RIN3: variants seen among roughly 807,000 people sequenced by gnomAD.
RIN3 encodes the protein RAB5 interacting protein 3.
Under a neutral mutation model 76.3 loss-of-function variants are expected in RIN3, and 54 were observed. The ratio of observed to expected loss-of-function variants is 0.71; its 90% CI spans 0.57 to 0.89. The LOEUF (loss-of-function observed/expected upper bound fraction) is 0.89. RIN3 is among the 40% of genes least tolerant of loss of function. The pLI is 0.00. For synonymous variants in RIN3, 576 were observed against 564.0 expected (o/e 1.02, Z -0.30); for missense variants, 1,256 against 1,322.1 (o/e 0.95, Z 0.78).
chr14:92,605,154 A>G (rs1165820959), intron 3 of RIN3, among the ~76,000 whole-genome samples: 3 of 151,500 alleles, frequency 2.0e-5, no homozygotes, highest in Non-Finnish European at 2.9e-5. Context: ...CAAGGGATCC[A>G]CCCACCTTGG....
Position 92,555,975 on chromosome 14 carries a change from A to C in RIN3, c.249+20A>C, listed in dbSNP as rs1430410323. 1.2e-6 allele frequency: 2 copies of C among 1,603,946 alleles called. No homozygotes were observed. Among genetic ancestry groups the C allele is most frequent in the Non-Finnish European group, 1.7e-6 (2 of 1,175,750 alleles). ...GCTGGGGTGAGTGGGGGCGTCTCCC[A>C]CTTGGTAGGCACACACACCTGTGAG... On this transcript the variant is annotated intron_variant, in intron 2 of 9. Transcript: ENST00000216487.
intron 3 of RIN3, among the ~76,000 whole-genome samples, chr14:92,594,030 A>G (rs911505953): frequency 2.6e-5 from 4 of 152,168 alleles, no homozygotes; most frequent in South Asian, 2.1e-4. Context: ...TCTATAGACT[A>G]TTTTATCCAA....
chr14:92,563,970 T>C (rs2140044501), intron 2 of RIN3, among the ~76,000 whole-genome samples: 1 of 152,324 alleles, frequency 6.6e-6, no homozygotes, highest in South Asian at 2.1e-4. Context: ...TGAGGACCTT[T>C]GTCCAGGATG....
chr14:92,547,665 A>G (rs1303777701), intron 1 of RIN3, among the ~76,000 whole-genome samples: 2 of 151,664 alleles, frequency 1.3e-5, no homozygotes, highest in Non-Finnish European at 2.9e-5. Flanking sequence ...CAAAGTGCTG[A>G]GATTGCAGGT....
At chr14:92,528,863 T>G (rs1467484260) in intron 1 of RIN3, among the ~76,000 whole-genome samples, 1 of 152,132 alleles carries the variant, frequency 6.6e-6, no homozygotes, top group Non-Finnish European at 1.5e-5. Context: ...ACACTCCAGT[T>G]CTGGGGCTGG....
In RIN3 at chr14:92,688,239, C is replaced by T. The variant is rs1888954031; in HGVS notation, c.2945C>T (p.Pro982Leu). 1.9e-6 allele frequency: 3 copies of T among 1,590,372 alleles called. No individual in the cohort carries two copies. Among genetic ancestry groups the T allele is most frequent in the African/African-American group, 1.3e-5 (1 of 74,650 alleles). Residue 982 changes from proline (P) to leucine (L), a missense_variant, in exon 10 of 10, where the codon CCC becomes CTC. By Grantham distance (98) the Pro-to-Leu change is moderately conservative (BLOSUM62 -3). Coordinates refer to ENST00000216487, the MANE Select transcript of RIN3 (RefSeq NM_024832.5). Reference sequence around the variant, plus strand: ...CCGCCCTGCCTGGTGGTGCGGGAGCCCAACTTCCTGTGAGGCCCTCCCGGG... The same window carrying T: ...CCGCCCTGCCTGGTGGTGCGGGAGCTCAACTTCCTGTGAGGCCCTCCCGGG... ...GSPPCLVVREPNFL is the reference protein window; with the variant it reads ...GSPPCLVVRELNFL
In RIN3 at chr14:92,525,246, G is replaced by A. The variant is rs538202894; in HGVS notation, c.44+11270G>A. 4.6e-5 allele frequency among the ~76,000 whole-genome samples: 7 copies of A among 152,314 alleles called. No individual in the cohort carries two copies. The South Asian group carries it at 8.3e-4, about 18-fold the overall frequency. ...CAAGGACCCCAGCCACAGAAGAGCCGGCAGCACAATGGGCGCTCGCCCCTG... is the reference window on the plus strand; with the variant it reads ...CAAGGACCCCAGCCACAGAAGAGCCAGCAGCACAATGGGCGCTCGCCCCTG... On this transcript the variant is annotated intron_variant, in intron 1 of 9. Coordinates refer to ENST00000216487, the MANE Select transcript of RIN3 (RefSeq NM_024832.5).
At chr14:92,554,904 C>T (rs2140034102) in intron 1 of RIN3, among the ~76,000 whole-genome samples, 1 of 152,206 alleles carries the variant, frequency 6.6e-6, no homozygotes, top group Middle Eastern at 3.4e-3. Flanking sequence ...GCCTGGGCGA[C>T]AGAGCAAGAA....
rs1886679264 is a variant in RIN3 at position 92,633,881 on chromosome 14, TTGTA to T, written c.441-7353_441-7350del. Among the ~76,000 whole-genome samples the T allele has an allele frequency of 2.3e-5, 3 of 131,350 alleles. No individual in the cohort carries two copies. In the South Asian group the frequency reaches 7.3e-4, roughly 32 times the overall value. 86.2% of individuals were successfully genotyped at this position (131,350 alleles called of 152,430 possible). On this transcript the variant is annotated intron_variant, in intron 4 of 9. Transcript: ENST00000216487. ...GGTGTGTGTGTGTGTGTGTGTGTGT[TTGTA>T]TGTGTGTGTGCATGCACATATGCTG...
intron 4 of RIN3, among the ~76,000 whole-genome samples, chr14:92,617,463 G>A (rs1283184228): frequency 2.0e-5 from 3 of 152,092 alleles, no homozygotes; most frequent in Admixed American, 1.3e-4. Flanking sequence ...TCATTCATAG[G>A]TTACGGTGTC....
intron 2 of RIN3, among the ~76,000 whole-genome samples, chr14:92,570,751 C>T (rs760988205): frequency 2.0e-5 from 3 of 151,956 alleles, no homozygotes; most frequent in Non-Finnish European, 4.4e-5. Context: ...TGGGAGACAC[C>T]GACTCCAAAT....
chr14:92,644,105 T>A (rs1371268128), intron 5 of RIN3, among the ~76,000 whole-genome samples: 1 of 152,238 alleles, frequency 6.6e-6, no homozygotes, highest in Admixed American at 6.5e-5. Flanking sequence ...GGCTCACACC[T>A]GTAAAGTGCC....
chr14:92,540,557 T>G (rs10467864), intron 1 of RIN3, among the ~76,000 whole-genome samples: 46,215 of 152,194 alleles, frequency 0.3, 7,708 homozygotes, highest in Middle Eastern at 0.41. Flanking sequence ...AAACTGCTAC[T>G]TCTCTTCCAT....
At chr14:92,567,609 T>C (rs950015496) in intron 2 of RIN3, among the ~76,000 whole-genome samples, 12 of 144,228 alleles carry the variant, frequency 8.3e-5, no homozygotes, top group Middle Eastern at 3.6e-3. Context: ...AACTCCACAG[T>C]GTCTCTTCTG....
At chr14:92,545,426 C>T (rs1243172753) in intron 1 of RIN3, among the ~76,000 whole-genome samples, 1 of 152,058 alleles carries the variant, frequency 6.6e-6, no homozygotes, top group African/African-American at 2.4e-5. Context: ...TCTGTTTTGA[C>T]GTGATTTCAG....
intron 3 of RIN3, among the ~76,000 whole-genome samples, chr14:92,599,486 G>A (rs1286790587): frequency 6.6e-6 from 1 of 152,148 alleles, no homozygotes; most frequent in Non-Finnish European, 1.5e-5. Context: ...CAGGGACTGT[G>A]GGACAGCATC....
chr14:92,662,750 A>G (rs1486331886), intron 7 of RIN3, among the ~76,000 whole-genome samples: 1 of 152,150 alleles, frequency 6.6e-6, no homozygotes, highest in Non-Finnish European at 1.5e-5. Flanking sequence ...TCCATTCTCA[A>G]TGAGTCCCAG....
chr14:92,663,401 C>G (rs1247792395), intron 7 of RIN3, among the ~76,000 whole-genome samples: 1 of 152,216 alleles, frequency 6.6e-6, no homozygotes, highest in Admixed American at 6.5e-5. Flanking sequence ...TTGAATGGAA[C>G]AGAACCAGGT....
At chr14:92,651,528 C>T in intron 5 of RIN3, 54 bp from the exon 6 acceptor site, 1 of 1,349,404 alleles carries the variant, frequency 7.4e-7, no homozygotes, top group Non-Finnish European at 1.0e-6. Flanking sequence ...CCCAGCACAG[C>T]AACACCTAGT....
Sources: gnomAD v4.1 joint callset for allele counts (sites outside exome capture counted in the v4.1 genomes callset) on GRCh38, gnomAD v4.1.1 for gene constraint, MANE v1.5 for transcripts, NCBI Gene and HGNC (gene_info 2026-07-23, HGNC 2026-07-21) for gene names.